Variants in CDH18 observed in about 807,000 individuals in gnomAD.
CDH18 encodes the protein cadherin-18.
Under a neutral mutation model 67.9 loss-of-function variants are expected in CDH18, and 31 were observed. That is an observed-to-expected ratio of 0.46 (90% confidence interval 0.34 to 0.62). The LOEUF is 0.62. Ranked by LOEUF, CDH18 falls within the 20% of genes least tolerant of loss-of-function variation. The pLI is 0.01. For missense variants in CDH18, 890 were observed against 975.5 expected (o/e 0.91, Z 1.17); for synonymous variants, 362 against 347.2 (o/e 1.04, Z -0.48).
intron 1 of CDH18, among the ~76,000 whole-genome samples, chr5:20,411,962 A>G (rs754155469): frequency 3.9e-5 from 6 of 152,192 alleles, no homozygotes; most frequent in Non-Finnish European, 7.4e-5. Context: ...TACTGCTGAA[A>G]GCAATCTACA....
chr5:20,128,281 T>C (rs1203505282), intron 2 of CDH18, among the ~76,000 whole-genome samples: 1 of 152,100 alleles, frequency 6.6e-6, no homozygotes, highest in Non-Finnish European at 1.5e-5. Context: ...GAAGAAAAGT[T>C]CTTTGAAAAC....
At chr5:20,567,592 G>A (rs985858923) in intron 1 of CDH18, among the ~76,000 whole-genome samples, 2 of 152,114 alleles carry the variant, frequency 1.3e-5, no homozygotes, top group Non-Finnish European at 2.9e-5. Context: ...AGCATTATAA[G>A]GTCAGGCTGA....
At chr5:19,502,957 C>T (rs1743505198) in intron 11 of CDH18, 35 bp downstream of exon 11, 3 of 1,180,962 alleles carry the variant, frequency 2.5e-6, no homozygotes, top group Non-Finnish European at 3.8e-6. Context: ...AAGCAGATAC[C>T]ACATAGATAA....
intron 1 of CDH18, among the ~76,000 whole-genome samples, chr5:20,330,984 A>G (rs1739117909): frequency 6.6e-6 from 1 of 152,200 alleles, no homozygotes; most frequent in South Asian, 2.1e-4. Context: ...GTAGACCCAT[A>G]TGTATTTGCT....
chr5:19,610,149 G>GA (rs769593505), intron 6 of CDH18, among the ~76,000 whole-genome samples: 1 of 151,976 alleles, frequency 6.6e-6, no homozygotes, highest in Non-Finnish European at 1.5e-5. Flanking sequence ...AAAACTCTAA[G>GA]AACACCTTGA....
intron 7 of CDH18, among the ~76,000 whole-genome samples, chr5:19,578,739 A>C (rs1263227684): frequency 6.6e-6 from 1 of 151,814 alleles, no homozygotes; most frequent in Non-Finnish European, 1.5e-5. Flanking sequence ...GTATCCCATA[A>C]TTTCCATATA....
At chr5:19,918,055 AT>A (rs2150157563) in intron 2 of CDH18, among the ~76,000 whole-genome samples, 1 of 152,232 alleles carries the variant, frequency 6.6e-6, no homozygotes, top group Admixed American at 6.6e-5. Context: ...GGGCAATATT[AT>A]AATTCTCCAA....
intron 5 of CDH18, among the ~76,000 whole-genome samples, chr5:19,626,679 A>C (rs954233243): frequency 6.6e-6 from 1 of 151,520 alleles, no homozygotes; most frequent in African/African-American, 2.4e-5. Context: ...CTGACATTCT[A>C]GGAAAGGCAG....
rs532700329 is a variant in CDH18, at chr5:19,832,711, G to A, written c.228+6048C>T. 4.2e-4 allele frequency among the ~76,000 whole-genome samples: 64 copies of A among 152,234 alleles called. No homozygotes were observed. In the South Asian group the frequency reaches 0.012, roughly 29 times the overall value. ...TCTTGAGTTAATGTTCGTATAAGGT[G>A]TAAGGAAGGGGTCCGGTTTCAGTTT... On this transcript the variant is annotated intron_variant, in intron 3 of 12. Coordinates refer to ENST00000382275, the MANE Select transcript of CDH18 (RefSeq NM_004934.5).
intron 1 of CDH18, among the ~76,000 whole-genome samples, chr5:20,418,280 A>T (rs1205273768): frequency 3.0e-5 from 1 of 33,798 alleles, no homozygotes; most frequent in Non-Finnish European, 5.7e-5. Flanking sequence ...TTTTCAGTAG[A>T]GACGGGGTTT....
chr5:20,187,013 G>T (rs1365803872), intron 2 of CDH18, among the ~76,000 whole-genome samples: 1 of 151,928 alleles, frequency 6.6e-6, no homozygotes, highest in African/African-American at 2.4e-5. Flanking sequence ...AAACCTTGAA[G>T]ACACGTTAAG....
At chr5:20,468,014 T>TTATTTATG (rs1751776625) in intron 1 of CDH18, among the ~76,000 whole-genome samples, 1 of 151,628 alleles carries the variant, frequency 6.6e-6, no homozygotes, top group Admixed American at 6.6e-5. Flanking sequence ...ATGTATTTAT[T>TTATTTATG]TATTTATTTA....
At chr5:19,492,044 T>C (rs1741561458) in intron 11 of CDH18, among the ~76,000 whole-genome samples, 1 of 152,072 alleles carries the variant, frequency 6.6e-6, no homozygotes, top group African/African-American at 2.4e-5. Flanking sequence ...ATGTGAGTAG[T>C]AGATATTCCT....
intron 1 of CDH18, among the ~76,000 whole-genome samples, chr5:20,488,403 G>C (rs1022300772): frequency 6.6e-6 from 1 of 151,970 alleles, no homozygotes; most frequent in African/African-American, 2.4e-5. Flanking sequence ...GCTCAGTGTG[G>C]TGTGTCATGC....
Position 20,506,534 on chromosome 5 carries a change from G to A in CDH18, c.-580+68928C>T, listed in dbSNP as rs142715952. Among the ~76,000 whole-genome samples the A allele has an allele frequency of 4.8e-3, 733 of 152,260 alleles. 4 individuals carry two copies. Among genetic ancestry groups the A allele is most frequent in the South Asian group, 8.7e-3 (42 of 4,824 alleles). ...AGGTCTGAATGCTGCCAGCAACCAC[G>A]TAAGTGGGGATGCAGATCCTACCCC... On this transcript the variant is annotated intron_variant, in intron 1 of 14. Transcript: ENST00000507958.
chr5:19,739,576 T>C (rs889045388), intron 4 of CDH18, among the ~76,000 whole-genome samples: 3 of 152,112 alleles, frequency 2.0e-5, no homozygotes, highest in African/African-American at 7.2e-5. Flanking sequence ...CACTAAACTG[T>C]GGGTGGGTTG....
intron 5 of CDH18, among the ~76,000 whole-genome samples, chr5:19,679,613 GT>G (rs1428490807): frequency 6.6e-6 from 1 of 151,614 alleles, no homozygotes; most frequent in African/African-American, 2.4e-5. Flanking sequence ...AAGTTTCAAT[GT>G]ATAAAAATCA....
At chr5:20,033,513 T>C (rs1739579322) in intron 2 of CDH18, among the ~76,000 whole-genome samples, 1 of 152,092 alleles carries the variant, frequency 6.6e-6, no homozygotes, top group Non-Finnish European at 1.5e-5. Context: ...TCTGAATGAA[T>C]GTGACTCAAA....
intron 2 of CDH18, among the ~76,000 whole-genome samples, chr5:20,221,557 A>C (rs965486703): frequency 3.3e-5 from 5 of 152,276 alleles, no homozygotes; most frequent in Admixed American, 3.3e-4. Flanking sequence ...TTAATAGCAC[A>C]ACAGGGTAGC....
Sources: gnomAD v4.1 joint callset for allele counts (sites outside exome capture counted in the v4.1 genomes callset) on GRCh38, gnomAD v4.1.1 for gene constraint, MANE v1.5 for transcripts, NCBI Gene and HGNC (gene_info 2026-07-23, HGNC 2026-07-21) for gene names.